Variants in SORCS1 observed in about 807,000 individuals in gnomAD.
SORCS1 encodes the protein VPS10 domain-containing receptor SorCS1.
In SORCS1, 60 loss-of-function variants were observed where a neutral mutation model predicts 146.1. The ratio of observed to expected loss-of-function variants is 0.41; its 90% CI spans 0.33 to 0.51. SORCS1 has a LOEUF of 0.51. Among genes scored for constraint, SORCS1 ranks in the 20% least tolerant of loss-of-function variants. The probability of loss-of-function intolerance (pLI) is 0.21; values close to 1 mark genes in which losing one functional copy is unlikely to be tolerated. For synonymous variants in SORCS1, 637 were observed against 584.0 expected (o/e 1.09, Z -1.31); for missense variants, 1,352 against 1,487.6 (o/e 0.91, Z 1.50).
In SORCS1 at chr10:107,024,050, T is replaced by C. The variant is rs1276492617; in HGVS notation, c.559-67470A>G. The stretch of plus-strand genomic sequence containing the variant: ...TTAGCCGGGCATGGTGGCGTATGCC[T>C]GTAGTCCCAGCTACTCAGGAGGCTG... On this transcript the variant is annotated intron_variant, in intron 1 of 25. Coordinates refer to ENST00000263054, the MANE Select transcript of SORCS1 (RefSeq NM_052918.5). 2.0e-5 allele frequency among the ~76,000 whole-genome samples: 3 copies of C among 152,096 alleles called. No individual in the cohort carries two copies. In the East Asian group the frequency reaches 5.8e-4, roughly 30 times the overall value.
intron 17 of SORCS1, among the ~76,000 whole-genome samples, chr10:106,656,191 A>C (rs1163137127): frequency 6.6e-6 from 1 of 152,158 alleles, no homozygotes; most frequent in African/African-American, 2.4e-5. Flanking sequence ...TGCTTCTGTC[A>C]CATTTTCCTT....
chr10:106,635,482 G>A (rs1039895434), intron 18 of SORCS1, among the ~76,000 whole-genome samples: 1 of 152,166 alleles, frequency 6.6e-6, no homozygotes, highest in African/African-American at 2.4e-5. Flanking sequence ...GAAAGGTGAA[G>A]CAAAAGGTAA....
intron 23 of SORCS1, among the ~76,000 whole-genome samples, chr10:106,605,579 T>C (rs1473260877): frequency 6.6e-6 from 1 of 152,214 alleles, no homozygotes; most frequent in African/African-American, 2.4e-5. Context: ...CCCTCTGGGT[T>C]CTTGACAATG....
intron 2 of SORCS1, among the ~76,000 whole-genome samples, chr10:106,914,639 G>A (rs1247924647): frequency 2.0e-5 from 3 of 152,138 alleles, no homozygotes; most frequent in Admixed American, 6.6e-5. Context: ...ACTGAAAAAG[G>A]CATGAATTGA....
At chr10:107,149,410 C>A (rs1208408444) in intron 1 of SORCS1, among the ~76,000 whole-genome samples, 1 of 152,102 alleles carries the variant, frequency 6.6e-6, no homozygotes, top group Non-Finnish European at 1.5e-5. Flanking sequence ...TACGTGGTAA[C>A]CATCCGATTC....
intron 3 of SORCS1, among the ~76,000 whole-genome samples, chr10:106,784,262 G>T (rs912347776): frequency 1.3e-5 from 2 of 152,098 alleles, no homozygotes; most frequent in African/African-American, 4.8e-5. Flanking sequence ...GGGCGTGGTG[G>T]TGGGTGCCTG....
rs768347704 is a variant in SORCS1, at chr10:106,649,796, T to C, written c.2475+2586A>G. ...TTTGTCTCTTACTGTTTTTTCTCTA[T>C]ATTCTATTTCTTTCTTTTATGCTCT... On this transcript the variant is annotated intron_variant, in intron 18 of 25. Transcript: ENST00000263054. Among the ~76,000 whole-genome samples the C allele has an allele frequency of 4.6e-5, 7 of 152,188 alleles. No individual in the cohort carries two copies. In the East Asian group the frequency reaches 5.8e-4, roughly 13 times the overall value.
intron 4 of SORCS1, among the ~76,000 whole-genome samples, chr10:106,771,748 G>T (rs1228437595): frequency 2.0e-5 from 3 of 152,128 alleles, no homozygotes; most frequent in Non-Finnish European, 4.4e-5. Context: ...CTCTATAATT[G>T]TATCTATAAT....
At chr10:106,951,338 C>T (rs188665098) in intron 2 of SORCS1, among the ~76,000 whole-genome samples, 2 of 151,984 alleles carry the variant, frequency 1.3e-5, no homozygotes, top group Middle Eastern at 3.4e-3. Context: ...GGTGAAACCC[C>T]GTCTCTACTA....
At chr10:106,743,861 A>C (rs780608651) in intron 5 of SORCS1, among the ~76,000 whole-genome samples, 23 of 152,302 alleles carry the variant, frequency 1.5e-4, no homozygotes, top group Non-Finnish European at 3.2e-4. Flanking sequence ...ACATTCTTAC[A>C]ATCCCTCCAT....
Position 106,956,757 on chromosome 10 carries a change from T to A in SORCS1, c.559-177A>T, listed in dbSNP as rs141823146. 4.6e-5 allele frequency among the ~76,000 whole-genome samples: 7 copies of A among 152,340 alleles called. No homozygotes were observed. In the East Asian group the frequency reaches 1.4e-3, roughly 29 times the overall value. ...GTTGGCTTGTCTTTCTGCCTTCCAC[T>A]GAATTGCTTAGGCCTATCCTCTCCC... On this transcript the variant is annotated intron_variant, in intron 1 of 25. Transcript: ENST00000263054.
At chr10:107,040,576 G>A (rs919055751) in intron 1 of SORCS1, among the ~76,000 whole-genome samples, 2 of 152,138 alleles carry the variant, frequency 1.3e-5, no homozygotes, top group Non-Finnish European at 1.5e-5. Context: ...GACAAGAAAA[G>A]CACCTTTCTG....
At chr10:107,082,834 T>C (rs1963434998) in intron 1 of SORCS1, among the ~76,000 whole-genome samples, 1 of 152,076 alleles carries the variant, frequency 6.6e-6, no homozygotes, top group African/African-American at 2.4e-5. Flanking sequence ...GTCCAAGAGC[T>C]GGATTTCTTG....
intron 19 of SORCS1, among the ~76,000 whole-genome samples, chr10:106,621,782 G>A (rs915204831): frequency 4.6e-5 from 7 of 151,904 alleles, no homozygotes; most frequent in African/African-American, 1.7e-4. Flanking sequence ...GGAAACTGAC[G>A]ATTTGGTTTC....
chr10:106,947,951 A>T (rs1166198694), intron 2 of SORCS1, among the ~76,000 whole-genome samples: 1 of 152,208 alleles, frequency 6.6e-6, no homozygotes, highest in African/African-American at 2.4e-5. Flanking sequence ...AGCAATACAT[A>T]AGTTAATTAA....
intron 21 of SORCS1, among the ~76,000 whole-genome samples, chr10:106,612,232 CAAGAAAGAAGGTAG>C (rs1847042357): frequency 1.3e-5 from 2 of 151,886 alleles, no homozygotes; most frequent in Admixed American, 6.6e-5. Context: ...GTTTAATAGG[CAAGAAAGAAGGTAG>C]AAGAAAGAAG....
At chr10:106,856,641 C>A (rs1274705297) in intron 2 of SORCS1, among the ~76,000 whole-genome samples, 1 of 152,198 alleles carries the variant, frequency 6.6e-6, no homozygotes, top group African/African-American at 2.4e-5. Flanking sequence ...GTTCCCCCAC[C>A]AGTTGTCACT....
At chr10:106,945,717 G>T (rs1416158962) in intron 2 of SORCS1, among the ~76,000 whole-genome samples, 1 of 152,160 alleles carries the variant, frequency 6.6e-6, no homozygotes, top group Non-Finnish European at 1.5e-5. Flanking sequence ...TAGGACCTCA[G>T]GACAGTGTTT....
chr10:106,687,969 G>T (rs926411411), intron 10 of SORCS1, among the ~76,000 whole-genome samples: 1 of 152,170 alleles, frequency 6.6e-6, no homozygotes, highest in African/African-American at 2.4e-5. Context: ...GGGAAACAAG[G>T]ATCCTGGAAG....
Sources: gnomAD v4.1 joint callset for allele counts (sites outside exome capture counted in the v4.1 genomes callset) on GRCh38, gnomAD v4.1.1 for gene constraint, MANE v1.5 for transcripts, NCBI Gene and HGNC (gene_info 2026-07-23, HGNC 2026-07-21) for gene names.